Variants in ZNF487 observed in about 807,000 individuals in gnomAD.
ZNF487 encodes the protein KRAB domain only 1.
ZNF487 carries 4 observed loss-of-function variants against 3.0 expected under a neutral mutation model. The ratio of observed to expected loss-of-function variants is 1.35; its 90% CI spans 0.66 to 3.08. The LOEUF (loss-of-function observed/expected upper bound fraction) is 3.08, where lower values mean the gene tolerates loss of function less well. ZNF487 is among the 30% of genes most tolerant of loss of function. The pLI is 0.01. For synonymous variants in ZNF487, 55 were observed against 34.6 expected (o/e 1.59, Z -2.06); for missense variants, 146 against 98.7 (o/e 1.48, Z -2.03).
At chr10:43,511,175 C>T in the ZNF487 span, among the ~76,000 whole-genome samples, 110,536 of 152,078 alleles carry the variant, frequency 0.73, 41,505 homozygotes, top group East Asian at 0.93. Flanking sequence ...GAACTTTGCC[C>T]CAGCCTTGCA....
the ZNF487 span, among the ~76,000 whole-genome samples, chr10:43,515,558 A>G: frequency 6.6e-6 from 1 of 152,156 alleles, no homozygotes; most frequent in Admixed American, 6.5e-5. Context: ...TGCAGGTCCT[A>G]TTCTTTTCCA....
the ZNF487 span, among the ~76,000 whole-genome samples, chr10:43,521,180 C>A: frequency 6.6e-6 from 1 of 152,252 alleles, no homozygotes; most frequent in East Asian, 1.9e-4. Context: ...AGATGAAATA[C>A]AGGGTTAGTT....
the ZNF487 span, among the ~76,000 whole-genome samples, chr10:43,511,259 T>C: frequency 3.8e-4 from 58 of 152,336 alleles, no homozygotes; most frequent in African/African-American, 4.3e-4. Context: ...ATCCAGCTGC[T>C]TCAGGATGAT....
rs552167273 is a variant in ZNF487 at position 43,475,416 on chromosome 10, G to A, written c.-93-305G>A. On this transcript the variant is annotated intron_variant, in intron 1 of 3. Transcript: ENST00000437590. ...TGTTGTCCCAGCTACTTGGGAGGCT[G>A]AGGTGGCAGAATCGCTTGTGCCCCA... 9.3e-4 allele frequency among the ~76,000 whole-genome samples: 142 copies of A among 152,040 alleles called. 1 individual carries two copies. The highest frequency in any genetic ancestry group is 3.4e-3 in the Middle Eastern group (1 of 294).
intron 1 of ZNF487, among the ~76,000 whole-genome samples, chr10:43,473,951 G>C (rs1300905572): frequency 6.6e-6 from 1 of 151,910 alleles, no homozygotes; most frequent in Non-Finnish European, 1.5e-5. Flanking sequence ...CTAGAGCCCA[G>C]GAGTTAGAGA....
intron 1 of ZNF487, among the ~76,000 whole-genome samples, chr10:43,459,509 C>T (rs1174581565): frequency 6.6e-6 from 1 of 152,054 alleles, no homozygotes; most frequent in Non-Finnish European, 1.5e-5. Flanking sequence ...GGATTACAGG[C>T]GTGAGCCACT....
rs563642153 is a variant in ZNF487 at position 43,464,996 on chromosome 10, G to C, written c.-93-10725G>C. 5.5e-4 allele frequency among the ~76,000 whole-genome samples: 78 copies of C among 142,754 alleles called. 2 individuals are homozygous for C. In the South Asian group the frequency reaches 0.016, roughly 29 times the overall value. The allele number at this position is 142,754 out of a possible 152,430, so 93.7% of individuals were successfully genotyped here. A position where few individuals can be genotyped will look rare whatever the true frequency, so the allele number is the denominator to read the frequency against. On this transcript the variant is annotated intron_variant, in intron 1 of 3. Coordinates refer to ENST00000437590, the MANE Select transcript of ZNF487 (RefSeq NM_001355444.3). Reference sequence around the variant, plus strand: ...CGGATGGGGCGGCTGGCTGGGCGGGGGCTGACCCCCCCACCTCCCTCCCGG... The same window carrying C: ...CGGATGGGGCGGCTGGCTGGGCGGGCGCTGACCCCCCCACCTCCCTCCCGG...
rs928786631 is a variant in ZNF487, at chr10:43,448,995, GAAA to G, written c.-94+11752_-94+11754del. Among the ~76,000 whole-genome samples, 8 of 56,330 alleles carry G rather than the reference GAAA, an allele frequency of 1.4e-4. 1 individual carries two copies. The highest frequency in any genetic ancestry group is 3.5e-4 in the African/African-American group (5 of 14,162). The allele number at this position is 56,330 out of a possible 152,430, so 37.0% of individuals were successfully genotyped here. A position where few individuals can be genotyped will look rare whatever the true frequency, so the allele number is the denominator to read the frequency against. The stretch of plus-strand genomic sequence containing the variant: ...GGTGACAGAGTAAGAACCTGTCTCC[GAAA>G]AAAAAAAAAAAAAAAAAAGGCTGGG... On this transcript the variant is annotated intron_variant, in intron 1 of 3. Coordinates refer to ENST00000437590, the MANE Select transcript of ZNF487 (RefSeq NM_001355444.3).
the ZNF487 span, chr10:43,496,017 G>A: frequency 6.6e-5 from 35 of 532,714 alleles, no homozygotes; most frequent in Admixed American, 3.9e-5. Context: ...CTTTTTCAGG[G>A]ATCAGTGTCG....
At chr10:43,461,576 C>T (rs1016212133) in intron 1 of ZNF487, among the ~76,000 whole-genome samples, 1 of 152,216 alleles carries the variant, frequency 6.6e-6, no homozygotes, top group South Asian at 2.1e-4. Flanking sequence ...CTGTCTTGGC[C>T]TCCCAAAACA....
At chr10:43,458,450 T>C (rs1840301023) in intron 1 of ZNF487, among the ~76,000 whole-genome samples, 2 of 152,220 alleles carry the variant, frequency 1.3e-5, no homozygotes, top group South Asian at 4.1e-4. Context: ...CAATCAGCTT[T>C]GCATTTATCT....
intron 1 of ZNF487, among the ~76,000 whole-genome samples, chr10:43,450,708 A>G (rs1488900012): frequency 6.6e-6 from 1 of 152,142 alleles, no homozygotes; most frequent in Admixed American, 6.6e-5. Context: ...TATCCATAGT[A>G]AATTTAATAA....
intron 2 of ZNF487, 99 bp downstream of exon 2, chr10:43,475,946 A>G: frequency 1.5e-6 from 1 of 652,000 alleles, no homozygotes; most frequent in Non-Finnish European, 2.8e-6. Flanking sequence ...TAAAGGCTTG[A>G]GACTCAGGAG....
At chr10:43,450,665 G>A (rs1221052213) in intron 1 of ZNF487, among the ~76,000 whole-genome samples, 1 of 152,014 alleles carries the variant, frequency 6.6e-6, no homozygotes, top group Admixed American at 6.6e-5. Context: ...GCTTTTAAGT[G>A]CCCAGAATAA....
At chr10:43,521,750 A>C in the ZNF487 span, among the ~76,000 whole-genome samples, 11 of 152,330 alleles carry the variant, frequency 7.2e-5, no homozygotes, top group Non-Finnish European at 1.6e-4. Flanking sequence ...TTCTAAGATT[A>C]GGTTGAAAAC....
intron 1 of ZNF487, among the ~76,000 whole-genome samples, chr10:43,464,259 C>T (rs2132101171): frequency 6.6e-6 from 1 of 151,664 alleles, no homozygotes; most frequent in East Asian, 1.9e-4. Flanking sequence ...TCTTGGCTCA[C>T]TGAAACCTCT....
At chr10:43,509,908 A>C in the ZNF487 span, among the ~76,000 whole-genome samples, 1 of 152,134 alleles carries the variant, frequency 6.6e-6, no homozygotes, top group South Asian at 2.1e-4. Flanking sequence ...TTGAACCCAT[A>C]CACATCTCCT....
intron 1 of ZNF487, among the ~76,000 whole-genome samples, chr10:43,463,291 A>C (rs991376803): frequency 5.3e-5 from 8 of 151,954 alleles, no homozygotes; most frequent in African/African-American, 9.7e-5. Flanking sequence ...TAATCCCAGC[A>C]CTTTGGGAAG....
In ZNF487 at chr10:43,481,444, A is replaced by T; in HGVS notation, c.146A>T (p.Asp49Val). 1 of 714,816 alleles carries T rather than the reference A, an allele frequency of 1.4e-6. No individual in the cohort carries two copies. Among genetic ancestry groups the T allele is most frequent in the Non-Finnish European group, 2.6e-6 (1 of 384,430 alleles). The allele number at this position is 714,816 out of a possible 1,614,324, so 44.3% of individuals were successfully genotyped here. A position where few individuals can be genotyped will look rare whatever the true frequency, so the allele number is the denominator to read the frequency against. ...TTATTTCTAGACTGCTGCATAGATG[A>T]TGACCTGATGGAGAAGAGACAGGAA... Reference protein sequence around the residue: ...SQSHLDCCIDDDLMEKRQENQ... With the variant: ...SQSHLDCCIDVDLMEKRQENQ... The change falls in exon 4 of 4, where the codon GAT becomes GTT. Residue 49 changes from aspartate to valine, a missense_variant. Coordinates refer to ENST00000437590, the MANE Select transcript of ZNF487 (RefSeq NM_001355444.3).
Sources: allele counts gnomAD v4.1 joint callset (sites outside exome capture counted in the v4.1 genomes callset), GRCh38; gene constraint gnomAD v4.1.1; transcripts MANE v1.5; gene names NCBI Gene and HGNC (gene_info 2026-07-23, HGNC 2026-07-21).